The following CREBBP variants were observed in gnomAD, a reference collection of about 807,000 sequenced individuals.
CREBBP encodes CREB-binding protein.
Under a neutral mutation model 265.0 loss-of-function variants are expected in CREBBP, and 19 were observed. The ratio of observed to expected loss-of-function variants is 0.07; its 90% CI spans 0.05 to 0.11. The LOEUF (loss-of-function observed/expected upper bound fraction) is 0.11, where lower values mean the gene tolerates loss of function less well. Among genes scored for constraint, CREBBP ranks in the 10% least tolerant of loss-of-function variants. The pLI, the probability that CREBBP is intolerant of heterozygous loss-of-function variation, is 1.00. For missense variants in CREBBP, 2,525 were observed against 3,219.0 expected (o/e 0.78, Z 5.22); for synonymous variants, 1,457 against 1,223.7 (o/e 1.19, Z -3.98).
At chr16:3,842,309 G>C (rs369884483) in intron 2 of CREBBP, among the ~76,000 whole-genome samples, 3 of 152,080 alleles carry the variant, frequency 2.0e-5, no homozygotes, top group East Asian at 3.9e-4. Context: ...CCAGCTTCTG[G>C]CTTCCTTCTG....
intron 21 of CREBBP, among the ~76,000 whole-genome samples, chr16:3,746,737 G>T (rs1221516371): frequency 6.6e-6 from 1 of 152,088 alleles, no homozygotes; most frequent in Non-Finnish European, 1.5e-5. Context: ...GCTTTACTGG[G>T]AGTTTGAGAC....
chr16:3,848,041 G>C (rs778820931), intron 2 of CREBBP, among the ~76,000 whole-genome samples: 1 of 151,824 alleles, frequency 6.6e-6, no homozygotes, highest in Non-Finnish European at 1.5e-5. Flanking sequence ...GCAGTGGCAC[G>C]CGCCTGTAAT....
chr16:3,771,360 C>T (rs1209346493), intron 13 of CREBBP, among the ~76,000 whole-genome samples: 15 of 152,116 alleles, frequency 9.9e-5, no homozygotes, highest in African/African-American at 3.6e-4. Flanking sequence ...TGAGCCACCG[C>T]GCCCAGCCAA....
chr16:3,781,910 T>C (rs1166769655), intron 6 of CREBBP, among the ~76,000 whole-genome samples: 1 of 152,234 alleles, frequency 6.6e-6, no homozygotes, highest in Non-Finnish European at 1.5e-5. Flanking sequence ...ATTAGGGCAG[T>C]TGTTTTCCAG....
chr16:3,808,968 G>C (rs995386901), intron 3 of CREBBP, among the ~76,000 whole-genome samples: 3 of 152,160 alleles, frequency 2.0e-5, no homozygotes, highest in Non-Finnish European at 4.4e-5. Context: ...CTGAACTTGA[G>C]GGGCTGACCT....
chr16:3,751,924 G>A (rs2052483752), intron 19 of CREBBP, 118 bp from the exon 20 acceptor site: 1 of 919,886 alleles, frequency 1.1e-6, no homozygotes, highest in South Asian at 1.4e-5. Context: ...GGGCGTTGTT[G>A]GTTGATTGAT....
chr16:3,761,172 T>G (rs888732138), intron 16 of CREBBP, among the ~76,000 whole-genome samples: 15 of 152,088 alleles, frequency 9.9e-5, no homozygotes, highest in African/African-American at 3.6e-4. Flanking sequence ...CAGGCTGGTC[T>G]CGAACTCCTG....
In CREBBP at chr16:3,850,549, G is replaced by A. The variant is rs2054809738; in HGVS notation, c.546C>T (p.Asn182=). 5 of 1,614,258 alleles carry A rather than the reference G, an allele frequency of 3.1e-6. No individual in the cohort carries two copies. The highest frequency in any genetic ancestry group is 1.3e-5 in the African/African-American group (1 of 75,072). ...TATTGAGGAGGCCTGGGTGGGTCTGGTTAAAGTTAGCATTCATGCAGATAC... is the reference window on the plus strand; with the variant it reads ...TATTGAGGAGGCCTGGGTGGGTCTGATTAAAGTTAGCATTCATGCAGATAC... ...GPGICMNANF[N]QTHPGLLNSN... is the part of the protein sequence containing the mutation. Residue 182 remains asparagine (N), a synonymous_variant, in exon 2 of 31, where the codon AAC becomes AAT. Transcript: ENST00000262367.
intron 3 of CREBBP, among the ~76,000 whole-genome samples, chr16:3,796,857 C>A (rs1273446473): frequency 6.6e-6 from 1 of 152,186 alleles, no homozygotes; most frequent in East Asian, 1.9e-4. Context: ...ACATGCATCT[C>A]AAAAGCCATT....
chr16:3,730,960 A>G (rs1291261845), intron 30 of CREBBP, among the ~76,000 whole-genome samples: 1 of 152,196 alleles, frequency 6.6e-6, no homozygotes, highest in Non-Finnish European at 1.5e-5. Context: ...TTCCCAGCAG[A>G]GCCTCCCTCT....
intron 5 of CREBBP, among the ~76,000 whole-genome samples, chr16:3,787,382 A>G (rs914280291): frequency 2.0e-5 from 3 of 152,164 alleles, no homozygotes; most frequent in African/African-American, 7.2e-5. Flanking sequence ...CAGATGAAAC[A>G]CATCACCCAC....
intron 2 of CREBBP, among the ~76,000 whole-genome samples, chr16:3,841,400 C>A (rs1215208842): frequency 6.6e-6 from 1 of 151,444 alleles, no homozygotes; most frequent in Non-Finnish European, 1.5e-5. Context: ...ATTTGGGTTG[C>A]AATAAGAGGA....
chr16:3,780,135 G>A (rs560657893), intron 8 of CREBBP, among the ~76,000 whole-genome samples: 27 of 151,624 alleles, frequency 1.8e-4, no homozygotes, highest in Non-Finnish European at 2.1e-4. Context: ...CCAGGTACTC[G>A]GGAGGCTGAG....
intron 16 of CREBBP, among the ~76,000 whole-genome samples, chr16:3,762,102 G>A (rs544324495): frequency 1.6e-4 from 25 of 152,274 alleles, no homozygotes; most frequent in African/African-American, 5.5e-4. Flanking sequence ...ACATAGCTGT[G>A]CTCATTCGTT....
In CREBBP at chr16:3,771,819, T is replaced by TAAAAA. The variant is rs1381915361; in HGVS notation, c.2464-838_2464-834dup. On this transcript the variant is annotated intron_variant, in intron 13 of 30. Transcript: ENST00000262367. ...ATTTAAAACTTTTTTTTTTTTTTTT[T>TAAAAA]AAAAAAAAAAAGACAGAGTCTCGCT... Among the ~76,000 whole-genome samples the TAAAAA allele has an allele frequency of 3.7e-5, 5 of 135,798 alleles. No individual in the cohort carries two copies. In the South Asian group the frequency reaches 1.2e-3, roughly 33 times the overall value. 89.1% of individuals were successfully genotyped at this position (135,798 alleles called of 152,430 possible). A position where few individuals can be genotyped will look rare whatever the true frequency, so the allele number is the denominator to read the frequency against.
At chr16:3,822,257 G>A (rs1242392122) in intron 2 of CREBBP, among the ~76,000 whole-genome samples, 3 of 152,150 alleles carry the variant, frequency 2.0e-5, no homozygotes, top group Non-Finnish European at 4.4e-5. Context: ...CTCATAAAAA[G>A]GGACGTCAAG....
At chr16:3,811,995 C>G (rs1438761801) in intron 2 of CREBBP, among the ~76,000 whole-genome samples, 21 of 151,936 alleles carry the variant, frequency 1.4e-4, no homozygotes, top group Non-Finnish European at 1.6e-4. Context: ...CTGGCAGGGT[C>G]AGCACCCTTA....
Position 3,739,655 on chromosome 16 carries a change from T to G in CREBBP, c.4203A>C (p.Glu1401Asp). ...YRTKALFAFE[E>D]IDGVDVCFFG... is the part of the protein sequence containing the mutation. ...AAAAGCAGACATCCACGCCGTCAAT[T>G]TCCTCAAAAGCAAACAGAGCTTTGG... is the stretch of plus-strand genomic sequence containing the variant. Residue 1401 changes from glutamate to aspartate, a missense_variant, in exon 25 of 31, where the codon GAA (glutamate) becomes GAC (aspartate). Glu to Asp is a conservative substitution (Grantham distance 45). This residue lies in a region of CREBBP where 252 missense variants were observed against 452.5 expected (regional missense o/e 0.56). Coordinates refer to ENST00000262367, the MANE Select transcript of CREBBP (RefSeq NM_004380.3). The G allele has an allele frequency of 1.2e-6, 2 of 1,614,186 alleles. No homozygotes were observed. The highest frequency in any genetic ancestry group is 1.7e-6 in the Non-Finnish European group (2 of 1,180,044).
At chr16:3,761,021 C>A (rs1316255823) in intron 16 of CREBBP, among the ~76,000 whole-genome samples, 1 of 152,044 alleles carries the variant, frequency 6.6e-6, no homozygotes, top group African/African-American at 2.4e-5. Flanking sequence ...ATGGCGTGAT[C>A]TTGGCTCACT....
Sources: allele counts gnomAD v4.1 joint callset (sites outside exome capture counted in the v4.1 genomes callset), GRCh38; gene constraint gnomAD v4.1.1; regional missense constraint gnomAD v4.1.1; transcripts MANE v1.5; gene names NCBI Gene and HGNC (gene_info 2026-07-23, HGNC 2026-07-21).